The following R3HDM2 variants were observed in gnomAD, a reference collection of about 807,000 sequenced individuals.
The protein encoded by R3HDM2 is R3H domain-containing protein 2.
In R3HDM2, 38 loss-of-function variants were observed where a neutral mutation model predicts 124.5. The observed-to-expected ratio is 0.31, with a 90% CI of 0.24 to 0.40. R3HDM2 has a LOEUF of 0.40. R3HDM2 is among the 10% of genes least tolerant of loss of function. R3HDM2 has a pLI of 1.00. For synonymous variants in R3HDM2, 391 were observed against 448.0 expected, an observed-to-expected ratio of 0.87 and a Z score of 1.61; for missense variants, 869 against 1,236.9, an observed-to-expected ratio of 0.70 and a Z score of 4.46.
chr12:57,296,368 T>TTATC lies in R3HDM2; in HGVS notation c.701+39_701+42dup. 6.5e-7 allele frequency: 1 copy of TTATC among 1,547,608 alleles called. No individual in the cohort carries two copies. Among genetic ancestry groups the TTATC allele is most frequent in the Non-Finnish European group, 8.7e-7 (1 of 1,143,274 alleles). ...CACCTTCCTCTTCCAACCCAGCAGG[T>TTATC]TATCCCAGGGAAGTCTTCCCAAACC... On this transcript the variant is annotated intron_variant, in intron 9 of 23. Transcript: ENST00000402412. The surrounding 1 kb of genome is among the most constrained non-coding windows in gnomAD (Gnocchi z 4.5).
intron 2 of R3HDM2, among the ~76,000 whole-genome samples, chr12:57,364,459 G>C (rs1266054900): frequency 1.3e-5 from 2 of 151,684 alleles, no homozygotes; most frequent in Non-Finnish European, 2.9e-5. Flanking sequence ...CTACAGGCTG[G>C]GTGTCTTAAA....
chr12:57,303,606 C>CAAAGAA (rs938845049), intron 3 of R3HDM2, among the ~76,000 whole-genome samples: 1 of 149,822 alleles, frequency 6.7e-6, no homozygotes, highest in African/African-American at 2.5e-5. Flanking sequence ...ACCAAAAAGA[C>CAAAGAA]AAAGAAAAAG....
intron 2 of R3HDM2, among the ~76,000 whole-genome samples, chr12:57,383,894 A>AAACAAGT (rs2065280544): frequency 1.3e-5 from 2 of 152,274 alleles, no homozygotes; most frequent in South Asian, 2.1e-4. Context: ...CCAAAAAAAT[A>AAACAAGT]AAATTCCCTG....
intron 1 of R3HDM2, among the ~76,000 whole-genome samples, chr12:57,405,085 T>G (rs1300111783): frequency 6.6e-6 from 1 of 151,964 alleles, no homozygotes; most frequent in Non-Finnish European, 1.5e-5. Context: ...TAGAGTACAG[T>G]GACATGATCA....
At position 57,380,198 on chromosome 12, in the gene R3HDM2, G is replaced by A. The variant is rs145917990; in HGVS notation, c.-36+15551C>T. ...TCCTATTAACTCCTAAAAACTCAAA[G>A]CCAAGTCTATGAACTATATCCTATA... is the stretch of plus-strand genomic sequence containing the variant. On this transcript the variant is annotated intron_variant, in intron 2 of 23. Transcript: ENST00000402412. 1.3e-3 allele frequency among the ~76,000 whole-genome samples: 195 copies of A among 152,176 alleles called. 2 individuals are homozygous for A. Among genetic ancestry groups the A allele is most frequent in the African/African-American group, 4.5e-3 (185 of 41,512 alleles).
chr12:57,323,711 T>C (rs1337560624), intron 2 of R3HDM2, among the ~76,000 whole-genome samples: 1 of 152,244 alleles, frequency 6.6e-6, no homozygotes, highest in Admixed American at 6.5e-5. Context: ...AAATGAGAAC[T>C]GTAGGTGCTT....
rs1227989506 is a variant in R3HDM2, at chr12:57,253,963, A to G, written c.*810T>C. The G allele has an allele frequency of 2.8e-6, 1 of 353,332 alleles. No homozygotes were observed. The highest frequency in any genetic ancestry group is 2.2e-5 in the African/African-American group (1 of 45,474). The allele number at this position is 353,332 out of a possible 1,614,324, so 21.9% of individuals were successfully genotyped here. ...AATATACAAGTGTTCTGGGGGGGCC[A>G]GGGGAATCCCAAGTTTTAACTCTGT... On this transcript the variant is annotated 3_prime_UTR_variant, in exon 24 of 24. Transcript: ENST00000402412.
At chr12:57,428,604 G>A (rs926377472) in intron 1 of R3HDM2, among the ~76,000 whole-genome samples, 2 of 152,016 alleles carry the variant, frequency 1.3e-5, no homozygotes, top group South Asian at 2.1e-4. Context: ...GCAGTGAGCC[G>A]AGATTGCACC....
At chr12:57,413,605 G>A (rs369525209) in intron 1 of R3HDM2, among the ~76,000 whole-genome samples, 5 of 151,166 alleles carry the variant, frequency 3.3e-5, no homozygotes, top group African/African-American at 4.9e-5. Flanking sequence ...GCATGGTGGC[G>A]GGCACCTGTA....
intron 1 of R3HDM2, among the ~76,000 whole-genome samples, chr12:57,427,215 C>T (rs2070823108): frequency 6.6e-6 from 1 of 151,578 alleles, no homozygotes; most frequent in Non-Finnish European, 1.5e-5. Context: ...CACTTGAACC[C>T]GGGAGGTGGA....
In R3HDM2 at chr12:57,284,030, G is replaced by C. The variant is rs1245288605; in HGVS notation, c.965C>G (p.Thr322Ser). 1.2e-6 allele frequency: 2 copies of C among 1,608,430 alleles called. No individual in the cohort carries two copies. The highest frequency in any genetic ancestry group is 1.7e-5 in the Admixed American group (1 of 58,344). The change falls in exon 13 of 24, where the codon ACC becomes AGC. Residue 322 changes from threonine (T) to serine (S), a missense_variant. By Grantham distance (58) the Thr-to-Ser change is moderately conservative. Coordinates refer to ENST00000402412, the MANE Select transcript of R3HDM2 (RefSeq NM_001394031.1). ...TGTGCTGCTCTGGCGGCTGCTTGAG[G>C]TGCGGCTCAGTCCTTCACGGTTCCC... Reference protein sequence around the residue: ...IRGNREGLSRTSSSRQSSTDS... With the variant: ...IRGNREGLSRSSSSRQSSTDS...
intron 1 of R3HDM2, among the ~76,000 whole-genome samples, chr12:57,408,900 A>G (rs2068762384): frequency 1.3e-5 from 2 of 151,116 alleles, no homozygotes. Context: ...TGAATTTTGT[A>G]TACTAATCTT....
intron 14 of R3HDM2, among the ~76,000 whole-genome samples, chr12:57,280,005 T>G (rs927591203): frequency 2.0e-5 from 3 of 152,260 alleles, no homozygotes; most frequent in Admixed American, 6.5e-5. Context: ...CTTTTCAAGT[T>G]CCAATATATA....
intron 2 of R3HDM2, among the ~76,000 whole-genome samples, chr12:57,367,713 T>C (rs2062836401): frequency 1.3e-5 from 2 of 152,212 alleles, no homozygotes; most frequent in South Asian, 4.1e-4. Context: ...AAAACATTTT[T>C]TCATATACTT....
intron 14 of R3HDM2, among the ~76,000 whole-genome samples, chr12:57,276,591 A>C (rs1379409425): frequency 6.6e-6 from 1 of 152,200 alleles, no homozygotes; most frequent in Non-Finnish European, 1.5e-5. Context: ...GCAAAGGCAT[A>C]AGAATGATAA....
chr12:57,270,803 A>C (rs2043431425), intron 14 of R3HDM2, among the ~76,000 whole-genome samples: 1 of 152,016 alleles, frequency 6.6e-6, no homozygotes, highest in Non-Finnish European at 1.5e-5. Context: ...TCCTGAACTC[A>C]AGTGATCAGC....
intron 2 of R3HDM2, among the ~76,000 whole-genome samples, chr12:57,369,152 C>G (rs989869509): frequency 2.0e-5 from 3 of 152,200 alleles, no homozygotes; most frequent in Non-Finnish European, 4.4e-5. Flanking sequence ...ACCCCAGCAT[C>G]TTAACACCAT....
At chr12:57,287,642 T>C (rs1373728872) in intron 12 of R3HDM2, among the ~76,000 whole-genome samples, 1 of 152,130 alleles carries the variant, frequency 6.6e-6, no homozygotes, top group Non-Finnish European at 1.5e-5. Context: ...AGTCAGACAG[T>C]CCTTATCAAG....
intron 2 of R3HDM2, among the ~76,000 whole-genome samples, chr12:57,333,826 A>T (rs557889229): frequency 1.9e-4 from 29 of 152,030 alleles, no homozygotes; most frequent in African/African-American, 7.0e-4. Context: ...GTGGATGACG[A>T]GGTTAGGAGT....
Sources: gnomAD v4.1 joint callset for allele counts (sites outside exome capture counted in the v4.1 genomes callset) on GRCh38, gnomAD v4.1.1 for gene constraint, Gnocchi (gnomAD v3.1) non-coding constraint, MANE v1.5 for transcripts, NCBI Gene and HGNC (gene_info 2026-07-23, HGNC 2026-07-21) for gene names.